Variants in TGM2 observed in about 807,000 individuals in gnomAD.
The protein encoded by TGM2 is protein-glutamine gamma-glutamyltransferase 2.
TGM2 carries 53 observed loss-of-function variants against 75.6 expected under a neutral mutation model. The ratio of observed to expected loss-of-function variants is 0.70; its 90% CI spans 0.56 to 0.88. The LOEUF (loss-of-function observed/expected upper bound fraction) is 0.88. Among genes scored for constraint, TGM2 ranks in the 40% least tolerant of loss-of-function variants. TGM2 has a pLI of 0.00. For missense variants in TGM2, 842 were observed against 928.5 expected, an observed-to-expected ratio of 0.91 and a Z score of 1.21; for synonymous variants, 374 against 381.1, an observed-to-expected ratio of 0.98 and a Z score of 0.22.
At chr20:38,150,850 C>T (rs2075107073) in intron 4 of TGM2, 89 bp downstream of exon 4, 3 of 980,732 alleles carry the variant, frequency 3.1e-6, no homozygotes, top group Admixed American at 1.7e-5. Context: ...GACTCACTCC[C>T]ACCTGTGCAG....
Position 38,137,990 on chromosome 20 carries a change from G to A in TGM2, c.1615+123C>T, listed in dbSNP as rs1206869877. On this transcript the variant is annotated intron_variant, in intron 10 of 12. Transcript: ENST00000361475. ...TTATAAAGTGCTTAGGACAGGGCCT[G>A]CCCCAGAGTCAGCGCCATGTAAGTG... 2.7e-6 allele frequency: 4 copies of A among 1,475,140 alleles called. No homozygotes were observed. The East Asian group carries it at 7.5e-5, about 28-fold the overall frequency. 91.4% of individuals were successfully genotyped at this position (1,475,140 alleles called of 1,614,324 possible).
At chr20:38,133,537 C>G (rs955587372) in intron 10 of TGM2, 1 of 152,582 alleles carries the variant, frequency 6.6e-6, no homozygotes, top group Non-Finnish European at 1.5e-5. Context: ...GCTGGAGGAC[C>G]TTAGCAGTTT....
At chr20:38,142,030 C>T (rs182915457) in intron 7 of TGM2, 34 bp downstream of exon 7, 1 of 1,613,840 alleles carries the variant, frequency 6.2e-7, no homozygotes, top group African/African-American at 1.3e-5. Context: ...GCCCTCCCTA[C>T]TGGGCTCCGA....
intron 10 of TGM2, chr20:38,133,078 G>A (rs1326284674): frequency 5.6e-6 from 2 of 355,048 alleles, no homozygotes; most frequent in South Asian, 2.1e-5. Flanking sequence ...GTGAAATAAC[G>A]TTGTCCTAGG....
chr20:38,136,467 C>T (rs1262711352), intron 10 of TGM2, among the ~76,000 whole-genome samples: 1 of 152,206 alleles, frequency 6.6e-6, no homozygotes, highest in Admixed American at 6.5e-5. Context: ...ACACTGAATC[C>T]CAGGCATGAG....
rs895958886 is a variant in TGM2 at position 38,132,272 on chromosome 20, T to G, written c.1776+68A>C. 97 of 1,556,888 alleles carry G rather than the reference T, an allele frequency of 6.2e-5. 1 individual carries two copies. Among genetic ancestry groups the G allele is most frequent in the Admixed American group, 8.4e-5 (5 of 59,850 alleles). The stretch of plus-strand genomic sequence containing the variant: ...GGGATGCAGGTGTGTGGGGTGGGGG[T>G]AGGGATCTGCCCTCTCCCCAGCGCT... On this transcript the variant is annotated intron_variant, in intron 11 of 12. Transcript: ENST00000361475.
At chr20:38,131,457 CA>C (rs2074833166) in intron 11 of TGM2, among the ~76,000 whole-genome samples, 1 of 151,944 alleles carries the variant, frequency 6.6e-6, no homozygotes, top group Non-Finnish European at 1.5e-5. Flanking sequence ...CCACGTGACC[CA>C]GGGGATGTCC....
In TGM2 at chr20:38,131,085, G is replaced by T. The variant is rs775518941; in HGVS notation, c.1913+8C>A. On this transcript the variant is annotated splice_region_variant and intron_variant, in intron 12 of 12. Transcript: ENST00000361475. ...CCAGGCCCCAAAGCTAGAGCAGCCA[G>T]CACTTACATCTCCACCGTCTTCTGC... 1.1e-5 allele frequency: 17 copies of T among 1,611,484 alleles called. No individual in the cohort carries two copies. The highest frequency in any genetic ancestry group is 2.5e-6 in the Non-Finnish European group (3 of 1,179,896).
At position 38,129,939 on chromosome 20, in the gene TGM2, T is replaced by C. The variant is rs2074805434; in HGVS notation, c.*280A>G. On this transcript the variant is annotated 3_prime_UTR_variant, in exon 13 of 13. Coordinates refer to ENST00000361475, the MANE Select transcript of TGM2 (RefSeq NM_004613.4). ...AAGGGCATCTGGGCAGGAGAGGGAATGTAGGTCTTTCCTCTCTCACCCCAG... is the reference window on the plus strand; with the variant it reads ...AAGGGCATCTGGGCAGGAGAGGGAACGTAGGTCTTTCCTCTCTCACCCCAG... 3.9e-6 allele frequency: 2 copies of C among 509,962 alleles called. No individual in the cohort carries two copies. The highest frequency in any genetic ancestry group is 7.1e-6 in the Non-Finnish European group (2 of 282,130). 31.6% of individuals were successfully genotyped at this position (509,962 alleles called of 1,614,324 possible). A position where few individuals can be genotyped will look rare whatever the true frequency, so the allele number is the denominator to read the frequency against.
chr20:38,144,480 G>C (rs45553046), intron 6 of TGM2, among the ~76,000 whole-genome samples: 1 of 152,164 alleles, frequency 6.6e-6, no homozygotes, highest in Non-Finnish European at 1.5e-5. Flanking sequence ...CATGGACATT[G>C]AGGAAGTACA....
At chr20:38,148,789 C>G (rs45515903) in intron 4 of TGM2, among the ~76,000 whole-genome samples, 132 of 152,352 alleles carry the variant, frequency 8.7e-4, no homozygotes, top group Non-Finnish European at 1.6e-3. Context: ...CCGCTGCTCT[C>G]TGCAGGGCTC....
At chr20:38,162,964 G>A (rs1399098591) in intron 1 of TGM2, among the ~76,000 whole-genome samples, 2 of 152,180 alleles carry the variant, frequency 1.3e-5, no homozygotes, top group Admixed American at 1.3e-4. Context: ...CTGTGTTGCT[G>A]TGTGAGCCTG....
At chr20:38,165,285 C>A, upstream of TGM2, 1 of 1,597,550 alleles carries the variant, frequency 6.3e-7, no homozygotes, top group South Asian at 1.1e-5. Context: ...AGGCGGAGAG[C>A]GGCGCTAACT....
At position 38,130,153 on chromosome 20, in the gene TGM2, T is replaced by C; in HGVS notation, c.*66A>G. On this transcript the variant is annotated 3_prime_UTR_variant, in exon 13 of 13. Transcript: ENST00000361475. ...GGGCCCAAGAAGGGGCATATTTTGC[T>C]CACTAGCTTGGGATAAGGATTGGGA... The C allele has an allele frequency of 6.2e-7, 1 of 1,602,734 alleles. No individual in the cohort carries two copies. The highest frequency in any genetic ancestry group is 1.1e-5 in the South Asian group (1 of 88,712).
Position 38,146,765 on chromosome 20 carries a change from G to A in TGM2, c.811C>T (p.Arg271Cys), listed in dbSNP as rs142761662. 38 of 1,613,566 alleles carry A rather than the reference G, an allele frequency of 2.4e-5. No homozygotes were observed. The highest frequency in any genetic ancestry group is 1.7e-4 in the Admixed American group (10 of 59,990). Reference sequence around the variant, plus strand: ...ACCCAGCACTGGCCATACTTGACGCGCTGGCAGCCGTGGTTCTTCCAGCGC... The same window carrying A: ...ACCCAGCACTGGCCATACTTGACGCACTGGCAGCCGTGGTTCTTCCAGCGC... ...LRRWKNHGCQ[R>C]VKYGQCWVFA... Residue 271 changes from arginine (R) to cysteine (C), a missense_variant, in exon 6 of 13, where the codon CGC (arginine) becomes TGC (cysteine). Coordinates refer to ENST00000361475, the MANE Select transcript of TGM2 (RefSeq NM_004613.4).
intron 3 of TGM2, among the ~76,000 whole-genome samples, chr20:38,153,528 A>AAAAAAAAAAAAAAAAG (rs56670550): frequency 6.4e-5 from 8 of 125,216 alleles, no homozygotes; most frequent in East Asian, 5.9e-4. Flanking sequence ...TGGTCTCAAA[A>AAAAAAAAAAAAAAAAG]AAAAGAAAAA....
At chr20:38,130,792 T>C (rs1425377664) in intron 12 of TGM2, among the ~76,000 whole-genome samples, 1 of 152,232 alleles carries the variant, frequency 6.6e-6, no homozygotes, top group Non-Finnish European at 1.5e-5. Flanking sequence ...TGCTCATGTG[T>C]GGACATTCGG....
In TGM2 at chr20:38,130,278, C is replaced by G; in HGVS notation, c.2005G>C (p.Glu669Gln). Reference sequence around the variant, plus strand: ...TTCACAGCCTTCAGCTTGTCGCTCTCGAAGTTCACCACCAGCTTGTGGAGG... The same window carrying G: ...TTCACAGCCTTCAGCTTGTCGCTCTGGAAGTTCACCACCAGCTTGTGGAGG... ...MGLHKLVVNF[E>Q]SDKLKAVKGF... The change falls in exon 13 of 13, where the codon GAG (glutamate) becomes CAG (glutamine). Residue 669 changes from glutamate to glutamine, a missense_variant. Coordinates refer to ENST00000361475, the MANE Select transcript of TGM2 (RefSeq NM_004613.4). 2 of 1,613,044 alleles carry G rather than the reference C, an allele frequency of 1.2e-6. No homozygotes were observed. The highest frequency in any genetic ancestry group is 1.7e-6 in the Non-Finnish European group (2 of 1,179,792).
At position 38,139,456 on chromosome 20, in the gene TGM2, C is replaced by T. The variant is rs142184177; in HGVS notation, c.1298G>A (p.Arg433Gln). 2,038 of 1,614,162 alleles carry T rather than the reference C, an allele frequency of 1.3e-3. 7 individuals are homozygous for T. Among genetic ancestry groups the T allele is most frequent in the South Asian group, 2.7e-3 (242 of 91,072 alleles). The change falls in exon 9 of 13, where the codon CGA becomes CAA. Residue 433 changes from arginine (R) to glutamine (Q), a missense_variant. Physicochemically the swap from Arg to Gln is conservative, Grantham distance 43. Transcript: ENST00000361475. ...GTGGGTGATATCCTCCCGCTCGTCT[C>T]GGCCCACGCTCTTAGTGCTGATCTT... ...GLKISTKSVGRDEREDITHTY... is the reference protein window; with the variant it reads ...GLKISTKSVGQDEREDITHTY...
Sources: allele counts gnomAD v4.1 joint callset (sites outside exome capture counted in the v4.1 genomes callset), GRCh38; gene constraint gnomAD v4.1.1; transcripts MANE v1.5; gene names NCBI Gene and HGNC (gene_info 2026-07-23, HGNC 2026-07-21).